Variants in RNF130 observed in about 807,000 individuals in gnomAD.
RNF130 encodes ring finger protein 130, also known as E3 ubiquitin-protein ligase RNF130.
In RNF130, 21 loss-of-function variants were observed where a neutral mutation model predicts 44.6. The ratio of observed to expected loss-of-function variants is 0.47; its 90% CI spans 0.33 to 0.68. The LOEUF is 0.68. Among genes scored for constraint, RNF130 ranks in the 30% least tolerant of loss-of-function variants. The pLI is 0.02. For synonymous variants in RNF130, 214 were observed against 210.4 expected, an observed-to-expected ratio of 1.02 and a Z score of -0.15; for missense variants, 479 against 560.6, an observed-to-expected ratio of 0.85 and a Z score of 1.47.
chr5:180,036,759 A>G (rs1764259188), intron 2 of RNF130, among the ~76,000 whole-genome samples: 1 of 151,806 alleles, frequency 6.6e-6, no homozygotes, highest in South Asian at 2.1e-4. Context: ...TATTTCACAA[A>G]GTTTTTCTCT....
rs1240322983 is a variant in RNF130, at chr5:180,021,733, A to G, written c.443-8422T>C. The stretch of plus-strand genomic sequence containing the variant: ...GAGTAAGTTCCTGGCATGATGCCTC[A>G]TCACCCCCGAATATGTGGTATTTTC... On this transcript the variant is annotated intron_variant, in intron 2 of 8. Coordinates refer to ENST00000521389, the MANE Select transcript of RNF130 (RefSeq NM_018434.6). 3.9e-5 allele frequency among the ~76,000 whole-genome samples: 6 copies of G among 152,202 alleles called. No individual in the cohort carries two copies. The East Asian group carries it at 9.6e-4, about 24-fold the overall frequency.
intron 3 of RNF130, among the ~76,000 whole-genome samples, chr5:179,993,476 G>A (rs1763135940): frequency 6.6e-6 from 1 of 152,204 alleles, no homozygotes; most frequent in Admixed American, 6.5e-5. Context: ...GATGGCCAGT[G>A]ATGATGAGCA....
chr5:179,920,610 A>G (rs1470493392), intron 7 of RNF130, among the ~76,000 whole-genome samples: 1 of 152,130 alleles, frequency 6.6e-6, no homozygotes, highest in Non-Finnish European at 1.5e-5. Flanking sequence ...GGCTTTAAGC[A>G]TCTAAGTTCC....
At chr5:180,036,563 C>CA (rs1038677670) in intron 2 of RNF130, among the ~76,000 whole-genome samples, 2 of 152,320 alleles carry the variant, frequency 1.3e-5, no homozygotes, top group African/African-American at 4.8e-5. Context: ...AGAAGTTTTT[C>CA]AAAGCATAAA....
intron 7 of RNF130, among the ~76,000 whole-genome samples, chr5:179,927,318 AATT>A (rs1466829812): frequency 7.5e-5 from 11 of 146,394 alleles, no homozygotes; most frequent in Middle Eastern, 3.6e-3. Flanking sequence ...CTGGTCAACT[AATT>A]ATTATCTTTG....
At chr5:180,055,131 C>T (rs988281887) in intron 1 of RNF130, among the ~76,000 whole-genome samples, 2 of 151,418 alleles carry the variant, frequency 1.3e-5, no homozygotes, top group African/African-American at 4.9e-5. Flanking sequence ...TCTCATGAGG[C>T]CAGGAATTTG....
chr5:179,951,513 A>G (rs1703420355), downstream of RNF130, among the ~76,000 whole-genome samples: 1 of 151,874 alleles, frequency 6.6e-6, no homozygotes, highest in African/African-American at 2.4e-5. Context: ...CCTCCCGAGT[A>G]GCTGGGACTA....
chr5:180,042,497 C>T (rs1764443696), intron 1 of RNF130, among the ~76,000 whole-genome samples: 2 of 152,292 alleles, frequency 1.3e-5, no homozygotes, highest in South Asian at 2.1e-4. Context: ...AAGACACAGA[C>T]GATGCACTAT....
At position 179,977,861 on chromosome 5, in the gene RNF130, T is replaced by C. The variant is rs987819486; in HGVS notation, c.848+342A>G. ...CAGAGCGAGACTCCGTCTCAAAAAA[T>C]AAATAAATAAATAAATAAAAGAAAA... On this transcript the variant is annotated intron_variant, in intron 5 of 8. Transcript: ENST00000521389. The surrounding 1 kb of genome is among the most constrained non-coding windows in gnomAD (Gnocchi z 4.1). Among the ~76,000 whole-genome samples the C allele has an allele frequency of 6.6e-6, 1 of 151,884 alleles. No homozygotes were observed. The highest frequency in any genetic ancestry group is 1.5e-5 in the Non-Finnish European group (1 of 67,976).
chr5:179,929,721 C>G (rs1289894254), intron 7 of RNF130, among the ~76,000 whole-genome samples: 5 of 150,120 alleles, frequency 3.3e-5, no homozygotes, highest in Non-Finnish European at 7.4e-5. Flanking sequence ...GCACTCCAGC[C>G]TGGGTGACAG....
chr5:179,946,674 C>T (rs1013448385), intron 7 of RNF130, among the ~76,000 whole-genome samples: 1 of 152,008 alleles, frequency 6.6e-6, no homozygotes, highest in Non-Finnish European at 1.5e-5. Flanking sequence ...CTGCCTCAGC[C>T]TCCCGAGTAG....
At chr5:179,969,744 C>A (rs1363719263) in intron 6 of RNF130, among the ~76,000 whole-genome samples, 1 of 152,164 alleles carries the variant, frequency 6.6e-6, no homozygotes, top group African/African-American at 2.4e-5. Context: ...AACCCCAGCA[C>A]TTTGGGAGGC....
At chr5:179,995,927 C>T (rs750923979) in intron 3 of RNF130, among the ~76,000 whole-genome samples, 1 of 152,196 alleles carries the variant, frequency 6.6e-6, no homozygotes, top group Non-Finnish European at 1.5e-5. Flanking sequence ...GTTAGGCATG[C>T]TGGAAAAGCC....
At position 180,045,879 on chromosome 5, in the gene RNF130, G is replaced by C. The variant is rs771809531; in HGVS notation, c.248-5232C>G. Among the ~76,000 whole-genome samples the C allele has an allele frequency of 1.1e-4, 16 of 152,304 alleles. No individual in the cohort carries two copies. In the South Asian group the frequency reaches 3.3e-3, roughly 32 times the overall value. Reference sequence around the variant, plus strand: ...GCATTTACAATCCTTTAGCTAGACAGAAAAGTTCTCCAAGACCCCACCCAA... The same window carrying C: ...GCATTTACAATCCTTTAGCTAGACACAAAAGTTCTCCAAGACCCCACCCAA... On this transcript the variant is annotated intron_variant, in intron 1 of 8. Coordinates refer to ENST00000521389, the MANE Select transcript of RNF130 (RefSeq NM_018434.6).
chr5:179,923,069 T>C (rs74853987), intron 7 of RNF130, among the ~76,000 whole-genome samples: 6,422 of 152,280 alleles, frequency 0.042, 444 homozygotes, highest in African/African-American at 0.15. Flanking sequence ...TCAAATTTAT[T>C]GATTTTTTCC....
At chr5:179,916,031 A>C (rs1761539874) in exon 8 of RNF130, 1 of 152,128 alleles carries the variant, frequency 6.6e-6, no homozygotes, top group African/African-American at 2.4e-5. Flanking sequence ...GGCGATATTA[A>C]CTGTAGAATC....
intron 3 of RNF130, among the ~76,000 whole-genome samples, chr5:179,989,257 C>T (rs1187306284): frequency 6.6e-6 from 1 of 152,220 alleles, no homozygotes; most frequent in African/African-American, 2.4e-5. Flanking sequence ...TTACCTCCCA[C>T]TGGGTCCCTC....
chr5:179,999,301 G>A (rs975895275), intron 3 of RNF130, among the ~76,000 whole-genome samples: 14 of 151,960 alleles, frequency 9.2e-5, no homozygotes, highest in Non-Finnish European at 1.2e-4. Flanking sequence ...GATTACAAGC[G>A]TGAGCCACCA....
intron 1 of RNF130, among the ~76,000 whole-genome samples, chr5:180,059,262 C>T (rs140781484): frequency 5.3e-4 from 80 of 152,314 alleles, no homozygotes; most frequent in African/African-American, 1.5e-3. Context: ...TCAGCTGAAA[C>T]ATCATTTCTT....
Sources: allele counts gnomAD v4.1 joint callset (sites outside exome capture counted in the v4.1 genomes callset), GRCh38; gene constraint gnomAD v4.1.1; non-coding constraint Gnocchi (gnomAD v3.1); transcripts MANE v1.5; gene names NCBI Gene and HGNC (gene_info 2026-07-23, HGNC 2026-07-21).